The following UBAC1 variants were observed in gnomAD, a reference collection of about 807,000 sequenced individuals.
The protein encoded by UBAC1 is ubiquitin-associated domain-containing protein 1.
A neutral mutation model predicts 45.9 loss-of-function variants in UBAC1; 27 were observed. The observed-to-expected ratio is 0.59, with a 90% confidence interval of 0.43 to 0.81. UBAC1 has a LOEUF of 0.81. Among genes scored for constraint, UBAC1 ranks in the 30% least tolerant of loss-of-function variants. UBAC1 has a pLI of 0.00. For missense variants in UBAC1, 529 were observed against 539.2 expected, an observed-to-expected ratio of 0.98 and a Z score of 0.19; for synonymous variants, 227 against 215.5, an observed-to-expected ratio of 1.05 and a Z score of -0.47.
chr9:135,952,426 C>T (rs1347508986), intron 3 of UBAC1, among the ~76,000 whole-genome samples: 7 of 152,358 alleles, frequency 4.6e-5, no homozygotes, highest in African/African-American at 1.4e-4. Context: ...GCTCCATGCT[C>T]GGCACGGGCT....
chr9:135,953,004 T>C (rs1484413066), intron 3 of UBAC1, among the ~76,000 whole-genome samples: 1 of 152,240 alleles, frequency 6.6e-6, no homozygotes, highest in African/African-American at 2.4e-5. Context: ...TCCTCCGTTT[T>C]TCTGTCAGGA....
At chr9:135,937,728 G>A (rs1839216594) in intron 9 of UBAC1, among the ~76,000 whole-genome samples, 1 of 152,194 alleles carries the variant, frequency 6.6e-6, no homozygotes, top group Non-Finnish European at 1.5e-5. Flanking sequence ...ATAGGGGAGG[G>A]GCACCCCAGG....
In UBAC1 at chr9:135,933,348, G is replaced by C; in HGVS notation, c.*52C>G. ...GGTGAGGTCCACTCTGCCCGGTCTC[G>C]GGCCGCACCAGGGGGCTGCTGTGGC... is the stretch of plus-strand genomic sequence containing the variant. On this transcript the variant is annotated 3_prime_UTR_variant, in exon 10 of 10. Coordinates refer to ENST00000371756, the MANE Select transcript of UBAC1 (RefSeq NM_016172.3). The C allele has an allele frequency of 6.6e-7, 1 of 1,518,968 alleles. No homozygotes were observed. The highest frequency in any genetic ancestry group is 9.1e-7 in the Non-Finnish European group (1 of 1,093,984). The allele number at this position is 1,518,968 out of a possible 1,614,324, so 94.1% of individuals were successfully genotyped here. A position where few individuals can be genotyped will look rare whatever the true frequency, so the allele number is the denominator to read the frequency against.
chr9:135,936,686 C>T (rs987085783), intron 9 of UBAC1, among the ~76,000 whole-genome samples: 20 of 152,006 alleles, frequency 1.3e-4, no homozygotes, highest in East Asian at 1.9e-4. Context: ...GTAAAGACAG[C>T]GTTTCACCAT....
At position 135,947,921 on chromosome 9, in the gene UBAC1, A is replaced by C. The variant is rs1317460970; in HGVS notation, c.334-16T>G. The C allele has an allele frequency of 6.2e-7, 1 of 1,610,558 alleles. No homozygotes were observed. The highest frequency in any genetic ancestry group is 1.7e-5 in the Admixed American group (1 of 59,518). ...CTTGTTTTTTCTACACAGAAACGTAATCAGAAAGTCTGAGGTGAACGTAAG... is the reference window on the plus strand; with the variant it reads ...CTTGTTTTTTCTACACAGAAACGTACTCAGAAAGTCTGAGGTGAACGTAAG... On this transcript the variant is annotated splice_polypyrimidine_tract_variant and intron_variant, in intron 3 of 9. Coordinates refer to ENST00000371756, the MANE Select transcript of UBAC1 (RefSeq NM_016172.3).
intron 1 of UBAC1, among the ~76,000 whole-genome samples, chr9:135,956,756 T>C (rs1394621882): frequency 6.6e-6 from 1 of 152,228 alleles, no homozygotes; most frequent in African/African-American, 2.4e-5. Context: ...CTGAAAACCC[T>C]TCAGAACTCA....
intron 9 of UBAC1, among the ~76,000 whole-genome samples, chr9:135,937,208 C>T (rs1467712125): frequency 6.6e-6 from 1 of 152,056 alleles, no homozygotes; most frequent in Non-Finnish European, 1.5e-5. Context: ...CTTAGGGAGG[C>T]TGAGGCAGGT....
At chr9:135,959,677 G>A (rs1346651377) in intron 1 of UBAC1, among the ~76,000 whole-genome samples, 1 of 152,086 alleles carries the variant, frequency 6.6e-6, no homozygotes, top group Non-Finnish European at 1.5e-5. Flanking sequence ...CCGGCCCAGA[G>A]AAGTTTTTTA....
intron 2 of UBAC1, 130 bp downstream of exon 2, chr9:135,955,165 C>T: frequency 2.1e-6 from 2 of 969,688 alleles, no homozygotes; most frequent in Admixed American, 3.0e-5. Context: ...TGCTTTTAGT[C>T]GATCTCGTTT....
chr9:135,955,711 A>T (rs571208981), intron 1 of UBAC1, among the ~76,000 whole-genome samples: 1 of 152,340 alleles, frequency 6.6e-6, no homozygotes, highest in South Asian at 2.1e-4. Flanking sequence ...GTCTAGAAAG[A>T]TCTGGAAAAT....
chr9:135,960,520 G>A (rs1839520569), intron 1 of UBAC1, among the ~76,000 whole-genome samples: 1 of 152,152 alleles, frequency 6.6e-6, no homozygotes, highest in African/African-American at 2.4e-5. Context: ...GCGGGAAAGG[G>A]GAAGAGGAAG....
chr9:135,935,981 G>A (rs866389296), intron 9 of UBAC1, among the ~76,000 whole-genome samples: 11 of 150,512 alleles, frequency 7.3e-5, no homozygotes, highest in African/African-American at 2.5e-4. Flanking sequence ...AGCTGAGATC[G>A]TGCCACTGCA....
chr9:135,958,891 C>T (rs1175743365), intron 1 of UBAC1, among the ~76,000 whole-genome samples: 1 of 152,206 alleles, frequency 6.6e-6, no homozygotes, highest in Admixed American at 6.5e-5. Flanking sequence ...TCCTCCACAC[C>T]TGTGGAAACC....
Position 135,961,336 on chromosome 9 carries a change from C to T in UBAC1, c.-174G>A, listed in dbSNP as rs1044292843. The T allele has an allele frequency of 5.8e-6, 2 of 343,382 alleles. No homozygotes were observed. Among genetic ancestry groups the T allele is most frequent in the African/African-American group, 2.2e-5 (1 of 44,662 alleles). 21.3% of individuals were successfully genotyped at this position (343,382 alleles called of 1,614,324 possible). A position where few individuals can be genotyped will look rare whatever the true frequency, so the allele number is the denominator to read the frequency against. On this transcript the variant is annotated 5_prime_UTR_variant, in exon 1 of 10. Coordinates refer to ENST00000371756, the MANE Select transcript of UBAC1 (RefSeq NM_016172.3). Reference sequence around the variant, plus strand: ...CACTCTCCGCGGCCTCAGCGGTCGCCTCGCTCCCGCCGCCGCAGCAGCCGC... The same window carrying T: ...CACTCTCCGCGGCCTCAGCGGTCGCTTCGCTCCCGCCGCCGCAGCAGCCGC...
At chr9:135,933,629 A>G (rs1839172051) in intron 9 of UBAC1, 114 bp from the exon 10 acceptor site, 5 of 737,540 alleles carry the variant, frequency 6.8e-6, no homozygotes, top group Non-Finnish European at 1.2e-5. Context: ...CTCCAATACA[A>G]AGGCCACACA....
rs148678099 is a variant in UBAC1, at chr9:135,937,757, A to G, written c.1102+465T>C. ...CCCCAGGCCCAAAGCTGAATAGTAG[A>G]TACATGGCTATTAGTTTTATTCTTC... On this transcript the variant is annotated intron_variant, in intron 9 of 9. Coordinates refer to ENST00000371756, the MANE Select transcript of UBAC1 (RefSeq NM_016172.3). Among the ~76,000 whole-genome samples the G allele has an allele frequency of 3.8e-3, 579 of 152,378 alleles. 4 individuals carry two copies. Among genetic ancestry groups the G allele is most frequent in the African/African-American group, 0.013 (552 of 41,588 alleles).
rs939899872 is a variant in UBAC1, at chr9:135,953,882, T to C, written c.260-129A>G. The C allele has an allele frequency of 2.8e-5, 16 of 579,098 alleles. No individual in the cohort carries two copies. In the Admixed American group the frequency reaches 4.9e-4, roughly 18 times the overall value. 35.9% of individuals were successfully genotyped at this position (579,098 alleles called of 1,614,324 possible). On this transcript the variant is annotated intron_variant, in intron 2 of 9. Coordinates refer to ENST00000371756, the MANE Select transcript of UBAC1 (RefSeq NM_016172.3). Reference sequence around the variant, plus strand: ...GGCCGGGCGCAGTGGCTCCCATCTGTAATCCCAGCACTTTGGGAGGCTGAG... The same window carrying C: ...GGCCGGGCGCAGTGGCTCCCATCTGCAATCCCAGCACTTTGGGAGGCTGAG...
intron 9 of UBAC1, among the ~76,000 whole-genome samples, chr9:135,935,751 G>A (rs1386202566): frequency 6.6e-6 from 1 of 152,230 alleles, no homozygotes; most frequent in Non-Finnish European, 1.5e-5. Context: ...AAGTGGCCAG[G>A]CGCAGTAGCT....
chr9:135,960,849 G>T (rs1295442267), intron 1 of UBAC1, among the ~76,000 whole-genome samples, 176 bp downstream of exon 1: 1 of 152,216 alleles, frequency 6.6e-6, no homozygotes, highest in African/African-American at 2.4e-5. Context: ...GATCCGAAAG[G>T]GGGAGAGTCG....
Sources: gnomAD v4.1 joint callset for allele counts (sites outside exome capture counted in the v4.1 genomes callset) on GRCh38, gnomAD v4.1.1 for gene constraint, MANE v1.5 for transcripts, NCBI Gene and HGNC (gene_info 2026-07-23, HGNC 2026-07-21) for gene names.